The following GABRR3 variants were observed in gnomAD, a reference collection of about 807,000 sequenced individuals.
The protein encoded by GABRR3 is gamma-aminobutyric acid receptor subunit rho-3.
Under a neutral mutation model 43.2 loss-of-function variants are expected in GABRR3, and 29 were observed. The observed-to-expected ratio is 0.67, with a 90% CI of 0.50 to 0.92. GABRR3 has a LOEUF of 0.92. Among genes scored for constraint, GABRR3 ranks in the 40% least tolerant of loss-of-function variants. The pLI is 0.00. For missense variants in GABRR3, 576 were observed against 572.3 expected, an observed-to-expected ratio of 1.01 and a Z score of -0.07; for synonymous variants, 206 against 195.9, an observed-to-expected ratio of 1.05 and a Z score of -0.43.
At chr3:98,022,192 A>C (rs1367729111) in intron 3 of GABRR3, among the ~76,000 whole-genome samples, 1 of 152,244 alleles carries the variant, frequency 6.6e-6, no homozygotes, top group Non-Finnish European at 1.5e-5. Context: ...AAACTAAAAC[A>C]AAAAAGCCCT....
At chr3:97,990,872 A>G (rs2107225213) in intron 9 of GABRR3, among the ~76,000 whole-genome samples, 1 of 152,340 alleles carries the variant, frequency 6.6e-6, no homozygotes, top group Middle Eastern at 3.4e-3. Flanking sequence ...GTTGCACCAC[A>G]ATGTGAATAT....
chr3:97,993,264 T>C (rs1310058333), intron 8 of GABRR3, among the ~76,000 whole-genome samples: 3 of 152,166 alleles, frequency 2.0e-5, no homozygotes. Flanking sequence ...TACCCTATTA[T>C]CCAGAAGGTT....
chr3:98,014,079 C>CA (rs147664759), intron 4 of GABRR3, among the ~76,000 whole-genome samples: 1,978 of 152,110 alleles, frequency 0.013, 34 homozygotes, highest in African/African-American at 0.046. Context: ...AACAAACCAA[C>CA]AAAAAAACCA....
intron 7 of GABRR3, among the ~76,000 whole-genome samples, chr3:98,004,518 C>T (rs1033452255): frequency 6.6e-6 from 1 of 151,904 alleles, no homozygotes; most frequent in Admixed American, 6.6e-5. Flanking sequence ...CAATGCATCC[C>T]TTAGGGGCAG....
intron 7 of GABRR3, among the ~76,000 whole-genome samples, chr3:98,005,210 AACACACACAC>A (rs60490447): frequency 1.4e-5 from 2 of 147,924 alleles, no homozygotes; most frequent in African/African-American, 5.0e-5. Context: ...CTAGGCTTTT[AACACACACAC>A]ACACACACAC....
At chr3:98,031,251 A>G (rs1307948813) in intron 2 of GABRR3, among the ~76,000 whole-genome samples, 10 of 152,198 alleles carry the variant, frequency 6.6e-5, no homozygotes, top group African/African-American at 2.4e-4. Context: ...CTGTCAGATC[A>G]CAAGCTCAGT....
chr3:98,008,933 C>T, intron 6 of GABRR3, 23 bp downstream of exon 6: 1 of 1,477,964 alleles, frequency 6.8e-7, no homozygotes, highest in Admixed American at 1.8e-5. Context: ...TGTGCACTCA[C>T]TCCACCAGGA....
At chr3:98,027,277 A>G (rs540351134) in intron 2 of GABRR3, among the ~76,000 whole-genome samples, 1 of 152,296 alleles carries the variant, frequency 6.6e-6, no homozygotes, top group Admixed American at 6.5e-5. Flanking sequence ...CTGTTTCAAT[A>G]GGTTTGGGGT....
chr3:97,985,532 ATG>A (rs376744894), downstream of GABRR3, among the ~76,000 whole-genome samples: 125 of 152,304 alleles, frequency 8.2e-4, no homozygotes, highest in African/African-American at 2.9e-3. Context: ...CATTCGTCAC[ATG>A]TTTTATAGCT....
At chr3:98,019,945 A>G (rs1016861351) in intron 3 of GABRR3, among the ~76,000 whole-genome samples, 1 of 152,160 alleles carries the variant, frequency 6.6e-6, no homozygotes, top group African/African-American at 2.4e-5. Flanking sequence ...TTATTCCTTC[A>G]TAGGGTTTGG....
rs753962830 is a variant in GABRR3, at chr3:98,001,777, A to T, written c.755-10T>A. 1 of 1,612,592 alleles carries T rather than the reference A, an allele frequency of 6.2e-7. No homozygotes were observed. The highest frequency in any genetic ancestry group is 1.1e-5 in the South Asian group (1 of 90,996). On this transcript the variant is annotated splice_polypyrimidine_tract_variant and intron_variant, in intron 7 of 9. Transcript: ENST00000621172. The stretch of plus-strand genomic sequence containing the variant: ...AGCCTATTGTACCAACCTGTGGAAA[A>T]AAGCCAAAGTTTTCATTAGAGCAAG...
exon 10 of GABRR3, chr3:97,986,692 T>C: frequency 1.3e-6 from 2 of 1,538,204 alleles, no homozygotes; most frequent in Non-Finnish European, 1.8e-6. Context: ...TTCATACATA[T>C]ACACCCCAGT....
intron 8 of GABRR3, chr3:97,997,914 A>T (rs1200365317): frequency 6.6e-6 from 1 of 152,210 alleles, no homozygotes; most frequent in Non-Finnish European, 1.5e-5. Context: ...CACAAATTTA[A>T]TGTGATAATG....
chr3:98,016,368 C>G (rs929958605), intron 4 of GABRR3, among the ~76,000 whole-genome samples: 4 of 152,064 alleles, frequency 2.6e-5, no homozygotes, highest in African/African-American at 9.7e-5. Context: ...CCTAGTACCT[C>G]CCCCACCCCC....
In GABRR3 at chr3:98,030,411, A is replaced by T. The variant is rs1041888441; in HGVS notation, c.125+4452T>A. Among the ~76,000 whole-genome samples the T allele has an allele frequency of 2.2e-4, 33 of 152,186 alleles. 1 individual carries two copies. The highest frequency in any genetic ancestry group is 2.2e-3 in the Admixed American group (33 of 15,280). ...AATAATATGGAGTGATTAAAATACC[A>T]TTATGGTGTCTATGAAGCAATGTGA... On this transcript the variant is annotated intron_variant, in intron 2 of 9. Transcript: ENST00000621172.
At position 98,007,832 on chromosome 3, in the gene GABRR3, A is replaced by G. The variant is rs765992171; in HGVS notation, c.686T>C (p.Met229Thr). 123 of 1,612,386 alleles carry G rather than the reference A, an allele frequency of 7.6e-5. No homozygotes were observed. Among genetic ancestry groups the G allele is most frequent in the Non-Finnish European group, 1.0e-4 (119 of 1,179,102 alleles). Residue 229 changes from methionine (M) to threonine (T), a missense_variant, in exon 7 of 10, where the codon ATG (methionine) becomes ACG (threonine). Met to Thr is a moderately conservative substitution (Grantham distance 81, BLOSUM62 -1). Transcript: ENST00000621172. ...TTCAATGAAGAACTGAGAAAGGGAC[A>G]TATGTTCTTCAGTATTTAAGGACTT...
Position 98,017,709 on chromosome 3 carries a change from T to C in GABRR3, c.252A>G (p.Pro84=), listed in dbSNP as rs75634562. Residue 84 remains proline (P), a synonymous_variant, in exon 4 of 10, where the codon CCA becomes CCG. Transcript: ENST00000621172. ...TTTCAACATGGACATCTATACCTACTGGCACTGGAGACCCTTAAGAAAGAA... is the reference window on the plus strand; with the variant it reads ...TTTCAACATGGACATCTATACCTACCGGCACTGGAGACCCTTAAGAAAGAA... The C allele has an allele frequency of 1.1e-3, 1,719 of 1,609,922 alleles. 15 individuals are homozygous for C. The African/African-American group carries it at 0.021, about 20-fold the overall frequency.
intron 2 of GABRR3, among the ~76,000 whole-genome samples, chr3:98,033,921 A>T (rs944069112): frequency 6.6e-6 from 1 of 152,118 alleles, no homozygotes; most frequent in Non-Finnish European, 1.5e-5. Flanking sequence ...TTGGTCATTA[A>T]ACCTGAGACT....
exon 3 of GABRR3, chr3:98,025,594 CGTT>C (rs1559781329): frequency 6.2e-7 from 1 of 1,610,974 alleles, no homozygotes; most frequent in Non-Finnish European, 8.5e-7. Context: ...ATTGCGAAAT[CGTT>C]GTCCTCTATA....
Sources: allele counts gnomAD v4.1 joint callset (sites outside exome capture counted in the v4.1 genomes callset), GRCh38; gene constraint gnomAD v4.1.1; transcripts MANE v1.5; gene names NCBI Gene and HGNC (gene_info 2026-07-23, HGNC 2026-07-21).